The following TENM2 variants were observed in gnomAD, a reference collection of about 807,000 sequenced individuals.
TENM2 encodes the protein teneurin-2.
Under a neutral mutation model 245.2 loss-of-function variants are expected in TENM2, and 52 were observed. That is an observed-to-expected ratio of 0.21 (90% confidence interval 0.17 to 0.27). The LOEUF (loss-of-function observed/expected upper bound fraction) is 0.27. Among genes scored for constraint, TENM2 ranks in the 10% least tolerant of loss-of-function variants. The pLI is 1.00. For synonymous variants in TENM2, 1,363 were observed against 1,438.9 expected, an observed-to-expected ratio of 0.95 and a Z score of 1.19; for missense variants, 3,046 against 3,666.8, an observed-to-expected ratio of 0.83 and a Z score of 4.37.
chr5:167,452,786 T>G (rs1433115853), intron 2 of TENM2, among the ~76,000 whole-genome samples: 2 of 149,960 alleles, frequency 1.3e-5, no homozygotes, highest in African/African-American at 2.5e-5. Flanking sequence ...TGTTGTGGGG[T>G]AGGGGGAGCG....
chr5:167,062,675 C>T, the TENM2 span, among the ~76,000 whole-genome samples: 1 of 152,256 alleles, frequency 6.6e-6, no homozygotes, highest in Middle Eastern at 3.4e-3. Flanking sequence ...AAGGTCTCTG[C>T]TCTAATGTAG....
chr5:167,223,934 A>T, the TENM2 span, among the ~76,000 whole-genome samples: 757 of 152,224 alleles, frequency 5.0e-3, 8 homozygotes, highest in African/African-American at 0.017. Flanking sequence ...CATTTCCCTG[A>T]TGATTAGTGA....
Position 168,232,588 on chromosome 5 carries a change from G to A in TENM2, c.5520+4458G>A, listed in dbSNP as rs562765393. ...TGAAGCAAATAGCCTGAACGTCCCC[G>A]GGACTGGCAAGCTCCTGGGAGCCTG... is the stretch of plus-strand genomic sequence containing the variant. On this transcript the variant is annotated intron_variant, in intron 25 of 28. Transcript: ENST00000518659. 4.0e-4 allele frequency among the ~76,000 whole-genome samples: 61 copies of A among 152,306 alleles called. No individual in the cohort carries two copies. The South Asian group carries it at 7.7e-3, about 19-fold the overall frequency.
intron 2 of TENM2, among the ~76,000 whole-genome samples, chr5:167,445,369 A>AGAGAGAGAGAGTGAGAGAGAGT: frequency 1.0e-5 from 1 of 98,606 alleles, no homozygotes; most frequent in East Asian, 4.1e-4. Flanking sequence ...AGAGAGAGAG[A>AGAGAGAGAGAGTGAGAGAGAGT]GTGTCAGGTG....
upstream of TENM2, among the ~76,000 whole-genome samples, chr5:167,280,734 C>T (rs1770994512): frequency 1.4e-5 from 2 of 144,912 alleles, no homozygotes; most frequent in Admixed American, 7.3e-5. Context: ...ATATCTATAT[C>T]TATCTGTCTG....
At chr5:167,532,721 T>C (rs904871748) in intron 2 of TENM2, among the ~76,000 whole-genome samples, 3 of 151,340 alleles carry the variant, frequency 2.0e-5, no homozygotes, top group Non-Finnish European at 4.4e-5. Context: ...TATGTATATA[T>C]ACACACACAT....
At chr5:167,883,504 G>A (rs920495678) in intron 3 of TENM2, among the ~76,000 whole-genome samples, 1 of 152,222 alleles carries the variant, frequency 6.6e-6, no homozygotes, top group African/African-American at 2.4e-5. Flanking sequence ...AATCAAGATG[G>A]ACAGGTAATT....
intron 12 of TENM2, among the ~76,000 whole-genome samples, chr5:168,137,372 G>A (rs1755143434): frequency 6.6e-6 from 1 of 152,216 alleles, no homozygotes; most frequent in South Asian, 2.1e-4. Flanking sequence ...AAGAGGGATT[G>A]CCAGACAGCC....
the TENM2 span, among the ~76,000 whole-genome samples, chr5:167,065,251 CT>C: frequency 6.6e-6 from 1 of 151,950 alleles, no homozygotes; most frequent in Non-Finnish European, 1.5e-5. Context: ...AGCACATAAC[CT>C]TTTATTTTAA....
chr5:167,499,846 A>ATG (rs112558904), intron 2 of TENM2, among the ~76,000 whole-genome samples: 30 of 125,614 alleles, frequency 2.4e-4, no homozygotes, highest in African/African-American at 2.8e-4. Context: ...GTGAGGGTGT[A>ATG]TGTGTGTGTG....
the TENM2 span, among the ~76,000 whole-genome samples, chr5:167,262,560 G>A: frequency 0.23 from 34,308 of 151,900 alleles, 4,309 homozygotes; most frequent in East Asian, 0.44. Flanking sequence ...GTACCTGTGT[G>A]GTAGTGGGGG....
intron 2 of TENM2, among the ~76,000 whole-genome samples, chr5:167,795,820 G>A (rs1029276117): frequency 2.6e-5 from 4 of 152,184 alleles, no homozygotes; most frequent in Admixed American, 1.3e-4. Flanking sequence ...AAGTGAGGAA[G>A]ACAAGCCAGA....
chr5:167,946,746 G>A (rs768758276), intron 3 of TENM2, among the ~76,000 whole-genome samples: 1 of 152,114 alleles, frequency 6.6e-6, no homozygotes, highest in Non-Finnish European at 1.5e-5. Flanking sequence ...GACATCTGGT[G>A]CATTACTTAA....
chr5:167,183,818 T>A, the TENM2 span, among the ~76,000 whole-genome samples: 1 of 152,118 alleles, frequency 6.6e-6, no homozygotes, highest in South Asian at 2.1e-4. Flanking sequence ...TAAGACACAT[T>A]TCAGATATGG....
chr5:167,627,476 A>G (rs1425445672), intron 2 of TENM2, among the ~76,000 whole-genome samples: 2 of 152,196 alleles, frequency 1.3e-5, no homozygotes, highest in African/African-American at 2.4e-5. Context: ...TCTAGGATGT[A>G]TATTTGATAC....
intron 2 of TENM2, among the ~76,000 whole-genome samples, chr5:167,587,127 G>A (rs1191289999): frequency 1.3e-5 from 2 of 152,030 alleles, no homozygotes; most frequent in Non-Finnish European, 2.9e-5. Context: ...GAAGGGCAGG[G>A]GTTAATGCAA....
chr5:167,549,272 C>T (rs1438692804), intron 2 of TENM2, among the ~76,000 whole-genome samples: 1 of 152,060 alleles, frequency 6.6e-6, no homozygotes, highest in South Asian at 2.1e-4. Flanking sequence ...CTCTTGGTCA[C>T]TCCTGTACTG....
intron 2 of TENM2, among the ~76,000 whole-genome samples, chr5:167,549,324 T>A (rs1382622651): frequency 1.3e-5 from 2 of 152,186 alleles, no homozygotes; most frequent in Non-Finnish European, 2.9e-5. Context: ...TGAAAATATC[T>A]GTGTCCTAAA....
At chr5:167,256,473 G>A in the TENM2 span, among the ~76,000 whole-genome samples, 1 of 152,132 alleles carries the variant, frequency 6.6e-6, no homozygotes, top group Non-Finnish European at 1.5e-5. Flanking sequence ...TTTCTGCTAG[G>A]ATTCATCTTT....
Sources: allele counts gnomAD v4.1 joint callset (sites outside exome capture counted in the v4.1 genomes callset), GRCh38; gene constraint gnomAD v4.1.1; transcripts MANE v1.5; gene names NCBI Gene and HGNC (gene_info 2026-07-23, HGNC 2026-07-21).